The following PDE2A variants were observed in gnomAD, a reference collection of about 807,000 sequenced individuals.
PDE2A encodes the protein phosphodiesterase 2A, also known as cGMP-dependent 3',5'-cyclic phosphodiesterase.
PDE2A carries 53 observed loss-of-function variants against 133.6 expected under a neutral mutation model. The observed-to-expected ratio is 0.40, with a 90% CI of 0.32 to 0.50. PDE2A has a LOEUF of 0.50. Ranked by LOEUF, PDE2A falls within the 20% of genes least tolerant of loss-of-function variation. The pLI is 0.73. For synonymous variants in PDE2A, 491 were observed against 490.2 expected, an observed-to-expected ratio of 1.00 and a Z score of -0.02; for missense variants, 796 against 1,232.4, an observed-to-expected ratio of 0.65 and a Z score of 5.30.
chr11:72,642,321 C>T lies in PDE2A; in HGVS notation c.77G>A (p.Gly26Asp), dbSNP rs1365523261. 1.3e-6 allele frequency: 2 copies of T among 1,540,370 alleles called. No individual in the cohort carries two copies. Among genetic ancestry groups the T allele is most frequent in the Non-Finnish European group, 1.7e-6 (2 of 1,146,248 alleles). The change falls in exon 2 of 31, where the codon GGC (glycine) becomes GAC (aspartate). Residue 26 changes from glycine (G) to aspartate (D), a missense_variant. By Grantham distance (94) the Gly-to-Asp change is moderately conservative (BLOSUM62 -1). Coordinates refer to ENST00000334456, the MANE Select transcript of PDE2A (RefSeq NM_002599.5). ...GTCCGGCTTGAGGAAGACCTGCTGG[C>T]CCCGCCTGAGGAATTGGACAACAGC... ...YPAARPAEPR[G>D]QQVFLKPDEP...
chr11:72,578,088 C>A lies in PDE2A; in HGVS notation c.2615+145G>T, dbSNP rs575711236. ...GTGAAGGACCCACTGAGGGGCACAG[C>A]GGGAGACAGTTATGCCCAGAGGCAA... is the stretch of plus-strand genomic sequence containing the variant. On this transcript the variant is annotated intron_variant, in intron 30 of 30. Transcript: ENST00000334456. The surrounding 1 kb of genome is among the most constrained non-coding windows in gnomAD (Gnocchi z 4.2). 1.2e-5 allele frequency: 8 copies of A among 656,802 alleles called. No homozygotes were observed. Among genetic ancestry groups the A allele is most frequent in the East Asian group, 5.2e-5 (2 of 38,720 alleles). The allele number at this position is 656,802 out of a possible 1,614,324, so 40.7% of individuals were successfully genotyped here.
intron 19 of PDE2A, 75 bp downstream of exon 19, chr11:72,584,126 G>T: frequency 1.3e-6 from 1 of 772,936 alleles, no homozygotes; most frequent in South Asian, 1.6e-5. Context: ...GAGTCAGTCG[G>T]AGGAGGAGAA....
At chr11:72,625,305 A>G (rs941018402) in intron 2 of PDE2A, among the ~76,000 whole-genome samples, 2 of 152,226 alleles carry the variant, frequency 1.3e-5, no homozygotes, top group African/African-American at 4.8e-5. Context: ...AGAGGAGATC[A>G]GCTCCGGGCC....
chr11:72,584,339 C>T (rs376313328), intron 18 of PDE2A, 26 bp from the exon 19 acceptor site: 52 of 1,470,580 alleles, frequency 3.5e-5, no homozygotes, highest in South Asian at 4.6e-5. Flanking sequence ...GGGCAAGGAA[C>T]CACCGGTGGA....
Position 72,642,269 on chromosome 11 carries a change from G to T in PDE2A, c.129C>A (p.Cys43Ter). ...GCCCCCCTACCTGCAGGCTGTCGGC[G>T]CATGGCTGCGGCGGCGGCGGCGGCT... ...PDEPPPPPQPCADSLQDALLS... is the reference protein window; with the variant it reads ...PDEPPPPPQP The change falls in exon 2 of 31, where the codon TGC (cysteine) becomes TGA (stop). Residue 43 changes from cysteine to a stop codon, truncating the protein, a stop_gained. Transcript: ENST00000334456. LOFTEE classifies it high-confidence loss of function. 1 of 1,544,056 alleles carries T rather than the reference G, an allele frequency of 6.5e-7. No individual in the cohort carries two copies. Among genetic ancestry groups the T allele is most frequent in the Non-Finnish European group, 8.7e-7 (1 of 1,148,236 alleles).
In PDE2A at chr11:72,611,951, C is replaced by A. The variant is rs934173163; in HGVS notation, c.145-3200G>T. ...GGTGTGGGCTCAGAGGGAAGAGTTGCTGCTTCAGTGAAGGAAGGAGAGAAT... is the reference window on the plus strand; with the variant it reads ...GGTGTGGGCTCAGAGGGAAGAGTTGATGCTTCAGTGAAGGAAGGAGAGAAT... On this transcript the variant is annotated intron_variant, in intron 2 of 30. Coordinates refer to ENST00000334456, the MANE Select transcript of PDE2A (RefSeq NM_002599.5). Among the ~76,000 whole-genome samples the A allele has an allele frequency of 3.9e-5, 6 of 152,282 alleles. No individual in the cohort carries two copies. In the East Asian group the frequency reaches 1.2e-3, roughly 29 times the overall value.
chr11:72,642,042 G>C (rs1305523078), intron 2 of PDE2A, among the ~76,000 whole-genome samples: 1 of 152,260 alleles, frequency 6.6e-6, no homozygotes, highest in Non-Finnish European at 1.5e-5. Context: ...TGGAGCCCCG[G>C]ATCCGAAAGG....
At chr11:72,639,946 TAC>T (rs1858882441) in intron 2 of PDE2A, among the ~76,000 whole-genome samples, 1 of 151,870 alleles carries the variant, frequency 6.6e-6, no homozygotes, top group South Asian at 2.1e-4. Flanking sequence ...CCCCAAATGT[TAC>T]AGACCTCATT....
chr11:72,584,247 T>G lies in PDE2A; in HGVS notation c.1604A>C (p.Asp535Ala), dbSNP rs777550501. ...GTAGATGGAGAAGGCCGTCGCCAGG[T>G]CCTCGTCGAACTTGCTGAACCATGG... ...NGPWFSKFDE[D>A]LATAFSIYCG... The change falls in exon 19 of 31, where the codon GAC (aspartate) becomes GCC (alanine). Residue 535 changes from aspartate to alanine, a missense_variant. Asp to Ala is a moderately radical substitution (Grantham distance 126). Transcript: ENST00000334456. 1.2e-6 allele frequency: 2 copies of G among 1,608,500 alleles called. No homozygotes were observed. Among genetic ancestry groups the G allele is most frequent in the Non-Finnish European group, 1.7e-6 (2 of 1,178,450 alleles).
rs1205876975 is a variant in PDE2A at position 72,590,143 on chromosome 11, C to G, written c.756+49G>C. The G allele has an allele frequency of 6.6e-7, 1 of 1,515,790 alleles. No individual in the cohort carries two copies. The highest frequency in any genetic ancestry group is 8.9e-7 in the Non-Finnish European group (1 of 1,117,590). 93.9% of individuals were successfully genotyped at this position (1,515,790 alleles called of 1,614,324 possible). A position where few individuals can be genotyped will look rare whatever the true frequency, so the allele number is the denominator to read the frequency against. ...GAGGGCTCAAGGGGAAGTTGGTCCC[C>G]GGAGGGAGACAGGACGGGGAGGTGG... On this transcript the variant is annotated intron_variant, in intron 9 of 30. Transcript: ENST00000334456. The surrounding 1 kb of genome is among the most constrained non-coding windows in gnomAD (Gnocchi z 4.8).
intron 1 of PDE2A, among the ~76,000 whole-genome samples, chr11:72,665,552 C>A (rs1331735380): frequency 6.6e-6 from 1 of 152,212 alleles, no homozygotes; most frequent in Non-Finnish European, 1.5e-5. Context: ...TGGACTCAAT[C>A]CTCCCCAGGC....
At chr11:72,594,913 C>G (rs1330837413) in intron 6 of PDE2A, among the ~76,000 whole-genome samples, 1 of 152,126 alleles carries the variant, frequency 6.6e-6, no homozygotes, top group African/African-American at 2.4e-5. Context: ...TCCCTGCCTT[C>G]CCCCAGACTG....
At chr11:72,627,047 C>G (rs936551943) in intron 2 of PDE2A, among the ~76,000 whole-genome samples, 1 of 152,206 alleles carries the variant, frequency 6.6e-6, no homozygotes, top group Non-Finnish European at 1.5e-5. Flanking sequence ...TTGACCCTCT[C>G]CATCCTTCAA....
rs115089788 is a variant in PDE2A at position 72,667,341 on chromosome 11, T to A, written c.71+6796A>T. Among the ~76,000 whole-genome samples the A allele has an allele frequency of 5.1e-3, 771 of 152,248 alleles. 6 individuals are homozygous for A. The highest frequency in any genetic ancestry group is 0.017 in the African/African-American group (721 of 41,546). On this transcript the variant is annotated intron_variant, in intron 1 of 30. Coordinates refer to ENST00000334456, the MANE Select transcript of PDE2A (RefSeq NM_002599.5). ...AACCCAGACCCCAACTGCAATGTCA[T>A]TCTAGATGCATTTCCAAATCTTAGC...
intron 2 of PDE2A, among the ~76,000 whole-genome samples, chr11:72,615,373 G>A (rs1857416343): frequency 6.6e-6 from 1 of 152,234 alleles, no homozygotes; most frequent in Non-Finnish European, 1.5e-5. Flanking sequence ...AAGAGGGAAA[G>A]AGCAGGAGAA....
At chr11:72,599,025 A>G (rs999936725) in intron 4 of PDE2A, 3 of 985,274 alleles carry the variant, frequency 3.0e-6, no homozygotes, top group Non-Finnish European at 3.6e-6. Context: ...CTGAGGCTTC[A>G]CGGAGGCAGG....
chr11:72,591,712 G>A (rs1856258974), intron 6 of PDE2A, among the ~76,000 whole-genome samples: 1 of 152,222 alleles, frequency 6.6e-6, no homozygotes, highest in African/African-American at 2.4e-5. Flanking sequence ...AGAATTGGTG[G>A]TATTAGCCTC....
intron 1 of PDE2A, chr11:72,649,449 T>C (rs1296227420): frequency 6.6e-6 from 1 of 152,190 alleles, no homozygotes; most frequent in African/African-American, 2.4e-5. Context: ...GCTGCACATG[T>C]CCGTGTTCAG....
chr11:72,641,754 C>T (rs1298348301), intron 2 of PDE2A, among the ~76,000 whole-genome samples: 1 of 152,082 alleles, frequency 6.6e-6, no homozygotes, highest in Non-Finnish European at 1.5e-5. Flanking sequence ...AGGCTGAGGA[C>T]TGAAGTCCAG....
Sources: allele counts gnomAD v4.1 joint callset (sites outside exome capture counted in the v4.1 genomes callset), GRCh38; gene constraint gnomAD v4.1.1; non-coding constraint Gnocchi (gnomAD v3.1); transcripts MANE v1.5; gene names NCBI Gene and HGNC (gene_info 2026-07-23, HGNC 2026-07-21).